The following FRAS1 variants were observed in gnomAD, a reference collection of about 807,000 sequenced individuals.
FRAS1 encodes the protein extracellular matrix organizing protein FRAS1.
Under a neutral mutation model 435.2 loss-of-function variants are expected in FRAS1, and 290 were observed. That is an observed-to-expected ratio of 0.67 (90% confidence interval 0.61 to 0.73). The LOEUF is 0.73. Among genes scored for constraint, FRAS1 ranks in the 30% least tolerant of loss-of-function variants. FRAS1 has a pLI of 0.00. For missense variants in FRAS1, 4,860 were observed against 5,001.5 expected, an observed-to-expected ratio of 0.97 and a Z score of 0.85; for synonymous variants, 1,800 against 1,851.0, an observed-to-expected ratio of 0.97 and a Z score of 0.71.
At chr4:78,463,977 C>G in intron 47 of FRAS1, 44 bp from the exon 48 acceptor site, 2 of 1,607,912 alleles carry the variant, frequency 1.2e-6, no homozygotes, top group Non-Finnish European at 1.7e-6. Context: ...ATATGGCTAG[C>G]ATTTTAATAT....
In FRAS1 at chr4:78,539,374, T is replaced by A. The variant is rs1320202124; in HGVS notation, c.11379T>A (p.Asp3793Glu). The A allele has an allele frequency of 2.5e-6, 4 of 1,613,248 alleles. No individual in the cohort carries two copies. The highest frequency in any genetic ancestry group is 3.4e-6 in the Non-Finnish European group (4 of 1,179,568). Residue 3793 changes from aspartate to glutamate, a missense_variant, in exon 73 of 74, where the codon GAT (aspartate) becomes GAA (glutamate). Coordinates refer to ENST00000512123, the MANE Select transcript of FRAS1 (RefSeq NM_025074.7). ...CTCACTTTGCCTCTGAGTTGCCTGATTTCCATGTGGTCAGTAACATGCCAG... is the reference window on the plus strand; with the variant it reads ...CTCACTTTGCCTCTGAGTTGCCTGAATTCCATGTGGTCAGTAACATGCCAG... ...FEAHFASELP[D>E]FHVVSNMPGV...
Position 78,464,002 on chromosome 4 carries a change from T to G in FRAS1, c.6764-19T>G. 7.4e-6 allele frequency: 12 copies of G among 1,612,248 alleles called. No homozygotes were observed. The highest frequency in any genetic ancestry group is 1.0e-5 in the Non-Finnish European group (12 of 1,179,618). On this transcript the variant is annotated intron_variant, in intron 47 of 73. Transcript: ENST00000512123. ...CATTTTAATATCCTGTCTCTGTTTCTCTTTTCCCCTTTTTCTAGGTATCCA... is the reference window on the plus strand; with the variant it reads ...CATTTTAATATCCTGTCTCTGTTTCGCTTTTCCCCTTTTTCTAGGTATCCA...
chr4:78,315,532 G>A (rs1371912570), intron 15 of FRAS1, 62 bp from the exon 16 acceptor site: 1 of 1,519,734 alleles, frequency 6.6e-7, no homozygotes, highest in East Asian at 2.3e-5. Context: ...GTAAAGAATA[G>A]ACTTCACTGC....
In FRAS1 at chr4:78,513,553, G is replaced by A. The variant is rs1560420794; in HGVS notation, c.10174+1G>A. 6.2e-7 allele frequency: 1 copy of A among 1,613,206 alleles called. No individual in the cohort carries two copies. The highest frequency in any genetic ancestry group is 2.2e-5 in the East Asian group (1 of 44,886). On this transcript the variant is annotated splice_donor_variant, in intron 65 of 73. Coordinates refer to ENST00000512123, the MANE Select transcript of FRAS1 (RefSeq NM_025074.7). LOFTEE classifies it high-confidence loss of function. ...ACCTATGACCTGAGAGGCATCTCAG[G>A]TGAGATTGACAAGTTCAGGACTGGT...
chr4:78,229,376 G>A (rs1203679509), intron 2 of FRAS1, among the ~76,000 whole-genome samples: 1 of 151,516 alleles, frequency 6.6e-6, no homozygotes, highest in African/African-American at 2.4e-5. Context: ...AGCAGGTGGA[G>A]CTTTGAGACA....
chr4:78,447,434 G>A (rs1375904006), intron 43 of FRAS1, among the ~76,000 whole-genome samples: 2 of 151,230 alleles, frequency 1.3e-5, no homozygotes, highest in Admixed American at 6.6e-5. Context: ...TCAATTCATC[G>A]TAATGCTCAT....
chr4:78,181,111 A>T, intron 2 of FRAS1: 2 of 1,568,182 alleles, frequency 1.3e-6, no homozygotes, highest in Non-Finnish European at 1.8e-6. Context: ...TCACTCTTTG[A>T]TTTATGAAAA....
rs889791133 is a variant in FRAS1, at chr4:78,149,034, G to C, written c.108+83018G>C. 3.3e-5 allele frequency among the ~76,000 whole-genome samples: 5 copies of C among 152,248 alleles called. No homozygotes were observed. The East Asian group carries it at 5.8e-4, about 18-fold the overall frequency. On this transcript the variant is annotated intron_variant, in intron 2 of 73. Transcript: ENST00000512123. ...TGGGGAGAGCTATTTCAATATTGCT[G>C]TTTCTTTATGTGCTGAATAAAGCAA...
chr4:78,521,764 C>T, intron 68 of FRAS1, 134 bp downstream of exon 68: 1 of 574,602 alleles, frequency 1.7e-6, no homozygotes, highest in Non-Finnish European at 3.0e-6. Flanking sequence ...TGTGCACATA[C>T]ATCCATCCAT....
At chr4:78,270,724 T>C (rs1726633568) in intron 9 of FRAS1, among the ~76,000 whole-genome samples, 1 of 152,164 alleles carries the variant, frequency 6.6e-6, no homozygotes, top group African/African-American at 2.4e-5. Flanking sequence ...TTTAAGTGAC[T>C]TACATTACAT....
At chr4:78,180,748 G>C in intron 2 of FRAS1, 1 of 823,890 alleles carries the variant, frequency 1.2e-6, no homozygotes, top group South Asian at 1.7e-5. Flanking sequence ...CTTTAGGTGT[G>C]AATGGTATGA....
intron 63 of FRAS1, among the ~76,000 whole-genome samples, chr4:78,510,952 A>C (rs1721016361): frequency 6.6e-6 from 1 of 152,174 alleles, no homozygotes; most frequent in Admixed American, 6.5e-5. Flanking sequence ...CCTGAATAAC[A>C]CTTGGGTCAT....
intron 29 of FRAS1, among the ~76,000 whole-genome samples, chr4:78,395,041 C>A (rs770359171): frequency 2.6e-5 from 4 of 151,698 alleles, no homozygotes; most frequent in Non-Finnish European, 5.9e-5. Context: ...TATTGCATGT[C>A]GGTTTTATTT....
intron 14 of FRAS1, among the ~76,000 whole-genome samples, chr4:78,302,349 A>T (rs1351966703): frequency 4.6e-5 from 7 of 151,418 alleles, no homozygotes; most frequent in Admixed American, 1.3e-4. Flanking sequence ...AGCATGATTT[A>T]TAGTCCTTTG....
intron 58 of FRAS1, among the ~76,000 whole-genome samples, chr4:78,483,776 C>CAAAAAA (rs1560752994): frequency 1.4e-5 from 1 of 71,438 alleles, no homozygotes; most frequent in African/African-American, 4.4e-5. Context: ...AACTCTCTCT[C>CAAAAAA]TCTCTCTATA....
chr4:78,461,265 T>A (rs1719361532), intron 47 of FRAS1, among the ~76,000 whole-genome samples: 1 of 152,224 alleles, frequency 6.6e-6, no homozygotes, highest in African/African-American at 2.4e-5. Flanking sequence ...TAGGCATATA[T>A]TACTTTCATA....
chr4:78,128,202 A>G lies in FRAS1; in HGVS notation c.108+62186A>G, dbSNP rs557075035. On this transcript the variant is annotated intron_variant, in intron 2 of 73. Coordinates refer to ENST00000512123, the MANE Select transcript of FRAS1 (RefSeq NM_025074.7). ...AGTCTTTGCTATTGTGAATAGTGCC[A>G]CAATAAACATACGTGTGCATGTGTC... Among the ~76,000 whole-genome samples the G allele has an allele frequency of 3.0e-4, 46 of 152,134 alleles. No homozygotes were observed. In the East Asian group the frequency reaches 3.5e-3, roughly 11 times the overall value.
chr4:78,437,614 C>T (rs1349216183), intron 38 of FRAS1, among the ~76,000 whole-genome samples: 2 of 152,178 alleles, frequency 1.3e-5, no homozygotes, highest in East Asian at 3.8e-4. Flanking sequence ...GGCCCCCGCC[C>T]TCTTGGTGTC....
intron 1 of FRAS1, among the ~76,000 whole-genome samples, chr4:78,063,772 G>A (rs1245282112): frequency 1.3e-5 from 2 of 152,122 alleles, no homozygotes; most frequent in South Asian, 2.1e-4. Context: ...GACTTTGGAA[G>A]GTAATGCTGT....
Sources: allele counts gnomAD v4.1 joint callset (sites outside exome capture counted in the v4.1 genomes callset), GRCh38; gene constraint gnomAD v4.1.1; transcripts MANE v1.5; gene names NCBI Gene and HGNC (gene_info 2026-07-23, HGNC 2026-07-21).